Variants in GPC6 observed in about 807,000 individuals in gnomAD.
GPC6 encodes glypican 6.
GPC6 carries 14 observed loss-of-function variants against 55.2 expected under a neutral mutation model. That is an observed-to-expected ratio of 0.25 (90% confidence interval 0.17 to 0.40). The LOEUF is 0.40. Among genes scored for constraint, GPC6 ranks in the 10% least tolerant of loss-of-function variants. The pLI is 1.00. For synonymous variants in GPC6, 278 were observed against 259.6 expected (o/e 1.07, Z -0.68); for missense variants, 641 against 708.5 (o/e 0.90, Z 1.08).
intron 1 of GPC6, among the ~76,000 whole-genome samples, chr13:93,481,210 T>G (rs1205668339): frequency 6.6e-6 from 1 of 152,224 alleles, no homozygotes; most frequent in East Asian, 1.9e-4. Flanking sequence ...ATTAGCTCTT[T>G]GTAGGAGCTG....
chr13:94,342,826 C>CAG (rs1303735957), intron 6 of GPC6, among the ~76,000 whole-genome samples: 2 of 152,084 alleles, frequency 1.3e-5, no homozygotes, highest in South Asian at 4.1e-4. Flanking sequence ...TAAGCCCATC[C>CAG]TCAGTCCTAG....
chr13:93,315,017 A>G (rs1045484355), intron 1 of GPC6, among the ~76,000 whole-genome samples: 7 of 152,144 alleles, frequency 4.6e-5, no homozygotes, highest in Non-Finnish European at 7.4e-5. Flanking sequence ...TTAAAAGTTG[A>G]AAACAGTACA....
intron 3 of GPC6, among the ~76,000 whole-genome samples, chr13:93,876,538 A>T (rs988497797): frequency 3.3e-5 from 5 of 152,046 alleles, no homozygotes; most frequent in African/African-American, 1.2e-4. Flanking sequence ...TTGCCTAAAA[A>T]TGAGAGTTTC....
intron 1 of GPC6, among the ~76,000 whole-genome samples, chr13:93,262,712 C>T (rs142352502): frequency 6.6e-6 from 1 of 152,100 alleles, no homozygotes; most frequent in Admixed American, 6.6e-5. Flanking sequence ...CTCAGTTTCC[C>T]CCCACACCCC....
chr13:93,803,012 A>G lies in GPC6; in HGVS notation c.320-27142A>G, dbSNP rs909556113. 2.0e-5 allele frequency among the ~76,000 whole-genome samples: 3 copies of G among 152,236 alleles called. No individual in the cohort carries two copies. In the East Asian group the frequency reaches 5.8e-4, roughly 29 times the overall value. ...GAAACAAAGGCTCCAGAGCTTGACTATTGTGTGAGGGAAGGAAATTATATT... is the reference window on the plus strand; with the variant it reads ...GAAACAAAGGCTCCAGAGCTTGACTGTTGTGTGAGGGAAGGAAATTATATT... On this transcript the variant is annotated intron_variant, in intron 2 of 8. Coordinates refer to ENST00000377047, the MANE Select transcript of GPC6 (RefSeq NM_005708.5).
chr13:94,173,401 TTGG>T (rs1286026585), intron 4 of GPC6, among the ~76,000 whole-genome samples: 10 of 151,916 alleles, frequency 6.6e-5, no homozygotes, highest in African/African-American at 2.2e-4. Flanking sequence ...ACAGATGGAG[TTGG>T]TGGTCACAGG....
chr13:93,745,902 T>C (rs1884381264), intron 2 of GPC6, among the ~76,000 whole-genome samples: 1 of 152,212 alleles, frequency 6.6e-6, no homozygotes, highest in Admixed American at 6.5e-5. Flanking sequence ...ACATGTGAGT[T>C]AGGACTTTCA....
chr13:94,060,841 C>G (rs1304559921), intron 4 of GPC6, among the ~76,000 whole-genome samples: 1 of 152,050 alleles, frequency 6.6e-6, no homozygotes, highest in South Asian at 2.1e-4. Context: ...TTTGCCAAAC[C>G]GTCTGATTAA....
At chr13:93,820,833 A>G (rs1206076750) in intron 2 of GPC6, among the ~76,000 whole-genome samples, 1 of 152,042 alleles carries the variant, frequency 6.6e-6, no homozygotes, top group African/African-American at 2.4e-5. Flanking sequence ...CCTCCAAATC[A>G]TTTACATGAT....
intron 2 of GPC6, among the ~76,000 whole-genome samples, chr13:93,742,950 A>G (rs1226225936): frequency 6.6e-6 from 1 of 151,934 alleles, no homozygotes; most frequent in East Asian, 1.9e-4. Context: ...GTAGATCTAC[A>G]CGGAGGGAGA....
chr13:93,411,439 G>A (rs1228864207), intron 1 of GPC6, among the ~76,000 whole-genome samples: 2 of 152,180 alleles, frequency 1.3e-5, no homozygotes, highest in African/African-American at 4.8e-5. Flanking sequence ...AGCAGAGAGT[G>A]AAATTTTTCA....
At chr13:93,812,748 G>T (rs1355764762) in intron 2 of GPC6, among the ~76,000 whole-genome samples, 1 of 152,110 alleles carries the variant, frequency 6.6e-6, no homozygotes, top group Non-Finnish European at 1.5e-5. Context: ...AATAATAATT[G>T]GTAATTATAT....
At chr13:94,168,280 ACT>A (rs2138924981) in intron 4 of GPC6, among the ~76,000 whole-genome samples, 1 of 151,446 alleles carries the variant, frequency 6.6e-6, no homozygotes, top group South Asian at 2.1e-4. Context: ...GAGGCTTATC[ACT>A]CTCTGCTATC....
chr13:93,277,413 A>G (rs1039228849), intron 1 of GPC6, among the ~76,000 whole-genome samples: 6 of 152,248 alleles, frequency 3.9e-5, no homozygotes, highest in African/African-American at 1.4e-4. Context: ...ATTGCCAGAC[A>G]CTATACAAAT....
chr13:93,554,007 G>T (rs1370344609), intron 2 of GPC6, among the ~76,000 whole-genome samples: 1 of 151,316 alleles, frequency 6.6e-6, no homozygotes, highest in Non-Finnish European at 1.5e-5. Flanking sequence ...AATTAGCCGG[G>T]TGTAGTGGTG....
chr13:94,287,195 C>CAA lies in GPC6; in HGVS notation c.1008+716_1008+717insAA, dbSNP rs536727270. Among the ~76,000 whole-genome samples the CAA allele has an allele frequency of 4.7e-4, 71 of 152,244 alleles. 1 individual carries two copies. Among genetic ancestry groups the CAA allele is most frequent in the African/African-American group, 1.6e-3 (66 of 41,554 alleles). Reference sequence around the variant, plus strand: ...CTCTTCCTTCATCAATCTTTCTCTCCCATAGTGATGACTGCACAATGCCCT... The same window carrying CAA: ...CTCTTCCTTCATCAATCTTTCTCTCCAACATAGTGATGACTGCACAATGCCCT... On this transcript the variant is annotated intron_variant, in intron 5 of 8. Transcript: ENST00000377047.
intron 4 of GPC6, among the ~76,000 whole-genome samples, chr13:94,214,921 A>G (rs1890183133): frequency 1.3e-5 from 2 of 152,258 alleles, no homozygotes; most frequent in Admixed American, 6.5e-5. Context: ...AAGGTGTGAC[A>G]TTTCACTTAA....
chr13:93,229,045 C>T (rs913328166), intron 1 of GPC6, among the ~76,000 whole-genome samples: 15 of 152,168 alleles, frequency 9.9e-5, no homozygotes, highest in African/African-American at 3.4e-4. Flanking sequence ...TTTGCTGAGT[C>T]TAAGTTAGAA....
At position 94,214,318 on chromosome 13, in the gene GPC6, T is replaced by C. The variant is rs978819786; in HGVS notation, c.878-72031T>C. Among the ~76,000 whole-genome samples the C allele has an allele frequency of 1.1e-4, 16 of 152,346 alleles. No homozygotes were observed. The East Asian group carries it at 2.9e-3, about 28-fold the overall frequency. The stretch of plus-strand genomic sequence containing the variant: ...TTGTGAGTTTGTTCTAATTGTGTCA[T>C]TCACTGTATTACCATTAATTAGCAA... On this transcript the variant is annotated intron_variant, in intron 4 of 8. Transcript: ENST00000377047.
Sources: gnomAD v4.1 joint callset for allele counts (sites outside exome capture counted in the v4.1 genomes callset) on GRCh38, gnomAD v4.1.1 for gene constraint, MANE v1.5 for transcripts, NCBI Gene and HGNC (gene_info 2026-07-23, HGNC 2026-07-21) for gene names.